Variants in CPSF7 observed in about 807,000 individuals in gnomAD.
CPSF7 encodes cleavage and polyadenylation specific factor 7, also known as cleavage and polyadenylation specificity factor subunit 7.
A neutral mutation model predicts 44.3 loss-of-function variants in CPSF7; 1 was observed. The observed-to-expected ratio is 0.02, with a 90% CI of 0.01 to 0.11. The LOEUF is 0.11. Ranked by LOEUF, CPSF7 falls within the 10% of genes least tolerant of loss-of-function variation. The probability of loss-of-function intolerance (pLI) is 1.00; values close to 1 mark genes in which losing one functional copy is unlikely to be tolerated. For missense variants in CPSF7, 443 were observed against 607.2 expected, an observed-to-expected ratio of 0.73 and a Z score of 2.84; for synonymous variants, 202 against 222.0, an observed-to-expected ratio of 0.91 and a Z score of 0.80.
At chr11:61,421,305 G>T (rs1347220488) in intron 3 of CPSF7, 85 bp downstream of exon 3, 4 of 1,182,734 alleles carry the variant, frequency 3.4e-6, no homozygotes, top group Non-Finnish European at 3.7e-6. Context: ...ACAAAACAGT[G>T]CAACAGTAGT....
In CPSF7 at chr11:61,406,576, A is replaced by C. The variant is rs146179132; in HGVS notation, c.*6-1872T>G. Among the ~76,000 whole-genome samples, 3 of 152,294 alleles carry C rather than the reference A, an allele frequency of 2.0e-5. No homozygotes were observed. In the East Asian group the frequency reaches 5.8e-4, roughly 29 times the overall value. On this transcript the variant is annotated intron_variant, in intron 9 of 9. Transcript: ENST00000439958. Reference sequence around the variant, plus strand: ...CCACTATATCAAACGGGTGACCAGGAAAAGTGAGGAAGTAGAAAACCTGCC... The same window carrying C: ...CCACTATATCAAACGGGTGACCAGGCAAAGTGAGGAAGTAGAAAACCTGCC...
chr11:61,414,831 A>G (rs1220987583), intron 7 of CPSF7, among the ~76,000 whole-genome samples: 1 of 152,234 alleles, frequency 6.6e-6, no homozygotes, highest in East Asian at 1.9e-4. Context: ...GGCAAAAGTT[A>G]GCTGTAAGGG....
intron 2 of CPSF7, among the ~76,000 whole-genome samples, chr11:61,428,053 A>G (rs547730058): frequency 6.6e-6 from 1 of 152,360 alleles, no homozygotes; most frequent in Admixed American, 6.5e-5. Context: ...GCTTACTTAC[A>G]TAGAATGGTG....
At chr11:61,425,138 G>A (rs1861237931) in intron 2 of CPSF7, among the ~76,000 whole-genome samples, 1 of 152,204 alleles carries the variant, frequency 6.6e-6, no homozygotes, top group Non-Finnish European at 1.5e-5. Context: ...GTCTCTCTGG[G>A]CCACAGAGCC....
intron 2 of CPSF7, among the ~76,000 whole-genome samples, chr11:61,427,655 G>GAAAAAAAA (rs576742257): frequency 2.4e-5 from 1 of 41,710 alleles, no homozygotes. Flanking sequence ...TCTGTCTCAA[G>GAAAAAAAA]AAAAAAAAAA....
chr11:61,410,427 C>T (rs1342900323), intron 9 of CPSF7: 6 of 152,254 alleles, frequency 3.9e-5, no homozygotes, highest in African/African-American at 1.2e-4. Context: ...AACTAAGTGG[C>T]AATGGCTTTA....
At position 61,415,917 on chromosome 11, in the gene CPSF7, G is replaced by A. The variant is rs1258295258; in HGVS notation, c.939-133C>T. ...TGTAGCATTCATAACACCTGCTCCCGCATTTAATTAAGCACCTTAAAAAGG... is the reference window on the plus strand; with the variant it reads ...TGTAGCATTCATAACACCTGCTCCCACATTTAATTAAGCACCTTAAAAAGG... On this transcript the variant is annotated intron_variant, in intron 6 of 9. Transcript: ENST00000439958. 4.7e-6 allele frequency: 4 copies of A among 842,568 alleles called. No individual in the cohort carries two copies. The Admixed American group carries it at 7.2e-5, about 15-fold the overall frequency. The allele number at this position is 842,568 out of a possible 1,614,324, so 52.2% of individuals were successfully genotyped here.
At chr11:61,410,023 G>C (rs1056348793) in intron 9 of CPSF7, among the ~76,000 whole-genome samples, 1 of 151,722 alleles carries the variant, frequency 6.6e-6, no homozygotes, top group African/African-American at 2.4e-5. Context: ...TCAAACTCCT[G>C]CTTAAGTGAT....
intron 2 of CPSF7, 78 bp from the exon 3 acceptor site, chr11:61,421,686 T>A: frequency 9.8e-7 from 1 of 1,020,486 alleles, no homozygotes; most frequent in Non-Finnish European, 1.5e-6. Context: ...TTTATTAGAA[T>A]CCAGTTAAAT....
Position 61,429,598 on chromosome 11 carries a change from C to A in CPSF7, c.-55-308G>T, listed in dbSNP as rs567130087. The A allele has an allele frequency of 1.4e-4, 106 of 781,652 alleles. 1 individual carries two copies. The African/African-American group carries it at 1.7e-3, about 13-fold the overall frequency. 48.4% of individuals were successfully genotyped at this position (781,652 alleles called of 1,614,324 possible). A position where few individuals can be genotyped will look rare whatever the true frequency, so the allele number is the denominator to read the frequency against. On this transcript the variant is annotated intron_variant, in intron 1 of 9. Coordinates refer to ENST00000439958, the MANE Select transcript of CPSF7 (RefSeq NM_001142565.3). ...CTAGGACGGCGTTGCGAAGAATGAC[C>A]GCGGCGAAGCCCGCAGCCCCTATCC...
In CPSF7 at chr11:61,427,495, T is replaced by A. The variant is rs748662691; in HGVS notation, c.54+1687A>T. On this transcript the variant is annotated intron_variant, in intron 2 of 9. Coordinates refer to ENST00000439958, the MANE Select transcript of CPSF7 (RefSeq NM_001142565.3). ...TGGTGAAACCCCGTCTCTACTAAAATTACAAAAATTAGCCAGGTGAGGTGA... is the reference window on the plus strand; with the variant it reads ...TGGTGAAACCCCGTCTCTACTAAAAATACAAAAATTAGCCAGGTGAGGTGA... 4.6e-5 allele frequency among the ~76,000 whole-genome samples: 7 copies of A among 150,814 alleles called. No individual in the cohort carries two copies. The South Asian group carries it at 1.0e-3, about 23-fold the overall frequency.
chr11:61,426,114 A>G (rs1416023142), intron 2 of CPSF7, among the ~76,000 whole-genome samples: 1 of 152,210 alleles, frequency 6.6e-6, no homozygotes, highest in Admixed American at 6.5e-5. Context: ...TTTGCAGCAA[A>G]TGCTCTAAGA....
chr11:61,417,856 C>T (rs962507192), intron 5 of CPSF7, among the ~76,000 whole-genome samples: 1 of 152,184 alleles, frequency 6.6e-6, no homozygotes, highest in African/African-American at 2.4e-5. Context: ...AGGAAGTCCA[C>T]CAGCTTTACT....
chr11:61,402,949 A>G lies in CPSF7; in HGVS notation c.*1761T>C, dbSNP rs1859005665. On this transcript the variant is annotated 3_prime_UTR_variant, in exon 10 of 10. Transcript: ENST00000439958. ...AAACGGCATTTCTGGTATTCTATAT[A>G]TATTTTTCCTTAAACTGTCACCTTT... is the stretch of plus-strand genomic sequence containing the variant. The G allele has an allele frequency of 6.6e-6, 1 of 151,428 alleles. No homozygotes were observed. Among genetic ancestry groups the G allele is most frequent in the Admixed American group, 6.6e-5 (1 of 15,250 alleles). The allele number at this position is 151,428 out of a possible 1,614,324, so 9.4% of individuals were successfully genotyped here.
chr11:61,416,633 T>C (rs1860366260), intron 5 of CPSF7, 114 bp from the exon 6 acceptor site: 12 of 1,122,946 alleles, frequency 1.1e-5, no homozygotes, highest in Admixed American at 6.9e-5. Flanking sequence ...CTAAAGAGGC[T>C]GAGAAGGTAA....
At chr11:61,421,355 C>T (rs1369516777) in intron 3 of CPSF7, 35 bp downstream of exon 3, 2 of 1,571,090 alleles carry the variant, frequency 1.3e-6, no homozygotes, top group South Asian at 1.1e-5. Context: ...CTCCCTCCAG[C>T]CCACCCCTAA....
intron 7 of CPSF7, among the ~76,000 whole-genome samples, chr11:61,414,847 C>T (rs1035347933): frequency 2.6e-5 from 4 of 152,198 alleles, no homozygotes; most frequent in Non-Finnish European, 5.9e-5. Flanking sequence ...AAGGGCATAA[C>T]ATGCCTTAAG....
chr11:61,415,128 C>T (rs1286120228), intron 7 of CPSF7, among the ~76,000 whole-genome samples: 1 of 152,174 alleles, frequency 6.6e-6, no homozygotes, highest in East Asian at 1.9e-4. Flanking sequence ...ATCCCAGCTA[C>T]TTGGGAGGCT....
chr11:61,415,099 G>GTT (rs1860195461), intron 7 of CPSF7, among the ~76,000 whole-genome samples: 1 of 152,128 alleles, frequency 6.6e-6, no homozygotes, highest in Non-Finnish European at 1.5e-5. Flanking sequence ...TTAGCCGGGC[G>GTT]TGGTGGCAAG....
Sources: allele counts gnomAD v4.1 joint callset (sites outside exome capture counted in the v4.1 genomes callset), GRCh38; gene constraint gnomAD v4.1.1; transcripts MANE v1.5; gene names NCBI Gene and HGNC (gene_info 2026-07-23, HGNC 2026-07-21).